PKHD1L1: variants seen among roughly 807,000 people sequenced by gnomAD.
PKHD1L1 encodes fibrocystin-L.
PKHD1L1 carries 434 observed loss-of-function variants against 462.9 expected under a neutral mutation model. The observed-to-expected ratio is 0.94, with a 90% CI of 0.87 to 1.02. The LOEUF is 1.02. Among genes scored for constraint, PKHD1L1 ranks in the 50% least tolerant of loss-of-function variants. The pLI is 0.00. For synonymous variants in PKHD1L1, 1,781 were observed against 1,750.0 expected (o/e 1.02, Z -0.44); for missense variants, 5,202 against 5,096.1 (o/e 1.02, Z -0.63).
At position 109,477,249 on chromosome 8, in the gene PKHD1L1, A is replaced by G. The variant is rs759984425; in HGVS notation, c.8942A>G (p.Gln2981Arg). The G allele has an allele frequency of 1.9e-6, 3 of 1,613,192 alleles. No individual in the cohort carries two copies. The South Asian group carries it at 3.3e-5, about 18-fold the overall frequency. Residue 2981 changes from glutamine to arginine, a missense_variant, in exon 53 of 78, where the codon CAG becomes CGG. Physicochemically the swap from Gln to Arg is conservative, Grantham distance 43. Around this residue, in one of 3 missense-constraint regions of PKHD1L1, gnomAD observed 4,497 missense variants for 4,336.8 expected, o/e 1.04. Transcript: ENST00000378402. ...GTGTCAGGAAGAAATGACCTTCATC[A>G]GAGTCAGCTCATTTCTGGGAACCTG... ...YLVSGRNDLHQSQLISGNLDP... is the reference protein window; with the variant it reads ...YLVSGRNDLHRSQLISGNLDP...
Position 109,473,465 on chromosome 8 carries a change from G to A in PKHD1L1, c.8606-1653G>A, listed in dbSNP as rs574127202. Among the ~76,000 whole-genome samples the A allele has an allele frequency of 4.7e-4, 71 of 151,248 alleles. No individual in the cohort carries two copies. In the South Asian group the frequency reaches 8.4e-3, roughly 18 times the overall value. ...CAGGAGGCAGAGTTTGCAGTGAGCC[G>A]AGATCATACCACTGGACTCCAGCCT... On this transcript the variant is annotated intron_variant, in intron 50 of 77. Coordinates refer to ENST00000378402, the MANE Select transcript of PKHD1L1 (RefSeq NM_177531.6).
intron 2 of PKHD1L1, among the ~76,000 whole-genome samples, chr8:109,377,812 T>C (rs1187015856): frequency 6.6e-6 from 1 of 152,204 alleles, no homozygotes. Flanking sequence ...ATCTTATTCA[T>C]AGGTTTTATT....
chr8:109,427,138 A>C lies in PKHD1L1; in HGVS notation c.2982A>C (p.Gly994=). The part of the protein sequence containing the change: ...AWNIKWRSTC[G]KQNLLQINDS... ...ACATCAAATGGAGAAGCACCTGCGGAAAGCAGAATCTTCTACAGGTTCCCT... is the reference window on the plus strand; with the variant it reads ...ACATCAAATGGAGAAGCACCTGCGGCAAGCAGAATCTTCTACAGGTTCCCT... The change falls in exon 25 of 78, where the codon GGA becomes GGC. Residue 994 remains glycine, a synonymous_variant. Transcript: ENST00000378402. 1.2e-6 allele frequency: 2 copies of C among 1,613,788 alleles called. No homozygotes were observed. Among genetic ancestry groups the C allele is most frequent in the Non-Finnish European group, 8.5e-7 (1 of 1,179,718 alleles).
At position 109,526,935 on chromosome 8, in the gene PKHD1L1, G is replaced by C. The variant is rs1308803247; in HGVS notation, c.12636G>C (p.Met4212Ile). The change falls in exon 77 of 78, where the codon ATG becomes ATC. Residue 4212 changes from methionine (M) to isoleucine (I), a missense_variant. Physicochemically the swap from Met to Ile is conservative, Grantham distance 10. Transcript: ENST00000378402. The part of the protein sequence containing the change: ...ASTVGTYAQI[M>I]TVVISCLVGR... ...CTGTGGGTACATATGCCCAGATAAT[G>C]ACTGTAGTAATTAGCTGTCTGGTTG... is the stretch of plus-strand genomic sequence containing the variant. 1 of 1,613,566 alleles carries C rather than the reference G, an allele frequency of 6.2e-7. No homozygotes were observed. Among genetic ancestry groups the C allele is most frequent in the Non-Finnish European group, 8.5e-7 (1 of 1,179,750 alleles).
At chr8:109,458,791 A>G (rs1326442484) in intron 46 of PKHD1L1, among the ~76,000 whole-genome samples, 1 of 152,170 alleles carries the variant, frequency 6.6e-6, no homozygotes, top group Non-Finnish European at 1.5e-5. Flanking sequence ...ACACTTTAGT[A>G]GATAATATAT....
intron 77 of PKHD1L1, among the ~76,000 whole-genome samples, chr8:109,527,237 C>A (rs564110725): frequency 2.0e-5 from 3 of 152,160 alleles, no homozygotes; most frequent in Non-Finnish European, 2.9e-5. Flanking sequence ...CACAGTGGCT[C>A]ATACTTGTAA....
At chr8:109,441,056 T>C (rs1392427651) in intron 33 of PKHD1L1, among the ~76,000 whole-genome samples, 1 of 152,144 alleles carries the variant, frequency 6.6e-6, no homozygotes. Context: ...GTGTATTTAA[T>C]GTGTATGCGA....
chr8:109,523,161 G>C, intron 75 of PKHD1L1, 72 bp from the exon 76 acceptor site: 2 of 1,363,946 alleles, frequency 1.5e-6, no homozygotes, highest in South Asian at 2.9e-5. Context: ...TAAAAATAAA[G>C]TTTTGCATAT....
chr8:109,473,294 T>G (rs751584396), intron 50 of PKHD1L1, among the ~76,000 whole-genome samples: 9 of 152,154 alleles, frequency 5.9e-5, no homozygotes, highest in Non-Finnish European at 1.3e-4. Context: ...GGCAGATCAC[T>G]TGAGGTCAAG....
At chr8:109,373,375 T>G (rs1454358959) in intron 2 of PKHD1L1, among the ~76,000 whole-genome samples, 1 of 152,196 alleles carries the variant, frequency 6.6e-6, no homozygotes, top group Non-Finnish European at 1.5e-5. Flanking sequence ...TTTTATTGTG[T>G]CTATTTGATT....
chr8:109,457,060 T>C (rs1227673765), intron 46 of PKHD1L1, among the ~76,000 whole-genome samples: 1 of 152,068 alleles, frequency 6.6e-6, no homozygotes, highest in Admixed American at 6.6e-5. Context: ...AAGTATCACC[T>C]GGGTAGGGGC....
rs887587202 is a variant in PKHD1L1, at chr8:109,385,626, T to A, written c.565T>A (p.Leu189Met). The change falls in exon 6 of 78, where the codon TTG (leucine) becomes ATG (methionine). Residue 189 changes from leucine (L) to methionine (M), a missense_variant. By Grantham distance (15) the Leu-to-Met change is conservative. Coordinates refer to ENST00000378402, the MANE Select transcript of PKHD1L1 (RefSeq NM_177531.6). ...LSSNGKNVRI[L>M]RVYIGGMPCE... ...CTCAAATGGGAAAAATGTTAGGATT[T>A]TGAGGTAATCTTTTGATGTGGAAAT... is the stretch of plus-strand genomic sequence containing the variant. 6.4e-7 allele frequency: 1 copy of A among 1,563,530 alleles called. No homozygotes were observed. Among genetic ancestry groups the A allele is most frequent in the Non-Finnish European group, 8.8e-7 (1 of 1,139,768 alleles).
chr8:109,475,726 A>G (rs944381040), intron 51 of PKHD1L1, among the ~76,000 whole-genome samples: 8 of 151,460 alleles, frequency 5.3e-5, no homozygotes, highest in African/African-American at 1.9e-4. Flanking sequence ...GGGCATCTGT[A>G]GTCCCAGCTA....
intron 75 of PKHD1L1, among the ~76,000 whole-genome samples, 154 bp from the exon 76 acceptor site, chr8:109,523,079 T>A (rs1480350559): frequency 1.3e-5 from 2 of 152,184 alleles, no homozygotes; most frequent in South Asian, 2.1e-4. Context: ...GAACTTCTGC[T>A]GCTCAGGTTT....
intron 65 of PKHD1L1, among the ~76,000 whole-genome samples, chr8:109,497,577 C>A (rs1459346207): frequency 6.6e-6 from 1 of 152,004 alleles, no homozygotes; most frequent in Non-Finnish European, 1.5e-5. Context: ...CAGGTGCCCG[C>A]CACCACGCCT....
chr8:109,519,427 C>A (rs1158757233), intron 73 of PKHD1L1, among the ~76,000 whole-genome samples: 2 of 152,116 alleles, frequency 1.3e-5, no homozygotes, highest in African/African-American at 4.8e-5. Context: ...ATCATCTTGT[C>A]TTCACAGCCT....
rs1816068192 is a variant in PKHD1L1 at position 109,445,293 on chromosome 8, A to G, written c.5424A>G (p.Gly1808=). The change falls in exon 38 of 78, where the codon GGA becomes GGG. Residue 1808 remains glycine, a synonymous_variant. Coordinates refer to ENST00000378402, the MANE Select transcript of PKHD1L1 (RefSeq NM_177531.6). ...ITALVTPLPV[G]HHSVSVVVGS... ...CTCTTGTGACTCCTCTCCCAGTTGG[A>G]CATCATTCTGTTAGTGTTGTGGTGG... 6.2e-7 allele frequency: 1 copy of G among 1,613,854 alleles called. No individual in the cohort carries two copies. The highest frequency in any genetic ancestry group is 1.3e-5 in the African/African-American group (1 of 74,904).
rs781173362 is a variant in PKHD1L1 at position 109,401,589 on chromosome 8, G to C, written c.1373+1G>C. The stretch of plus-strand genomic sequence containing the variant: ...ATATTCATCTGCAGAAAGGAAAAGA[G>C]TAAGGCTTTTTCCTGTCATTAAATT... On this transcript the variant is annotated splice_donor_variant, in intron 14 of 77. Coordinates refer to ENST00000378402, the MANE Select transcript of PKHD1L1 (RefSeq NM_177531.6). LOFTEE classifies it high-confidence loss of function. The C allele has an allele frequency of 1.3e-6, 2 of 1,516,848 alleles. No homozygotes were observed. Among genetic ancestry groups the C allele is most frequent in the Non-Finnish European group, 1.8e-6 (2 of 1,096,724 alleles). The allele number at this position is 1,516,848 out of a possible 1,614,324, so 94.0% of individuals were successfully genotyped here.
At chr8:109,450,159 T>C (rs1484804382) in intron 40 of PKHD1L1, among the ~76,000 whole-genome samples, 1 of 152,222 alleles carries the variant, frequency 6.6e-6, no homozygotes, top group Non-Finnish European at 1.5e-5. Context: ...AGTTTCTCCA[T>C]GTATTAAATG....
Sources: gnomAD v4.1 joint callset for allele counts (sites outside exome capture counted in the v4.1 genomes callset) on GRCh38, gnomAD v4.1.1 for gene constraint, gnomAD v4.1.1 regional missense constraint, MANE v1.5 for transcripts, NCBI Gene and HGNC (gene_info 2026-07-23, HGNC 2026-07-21) for gene names.